DDX10: variants seen among roughly 807,000 people sequenced by gnomAD.
The protein encoded by DDX10 is DEAD-box helicase 10, also known as probable ATP-dependent RNA helicase DDX10.
A neutral mutation model predicts 104.3 loss-of-function variants in DDX10; 74 were observed. The observed-to-expected ratio is 0.71, with a 90% CI of 0.59 to 0.86. DDX10 has a LOEUF of 0.86. Among genes scored for constraint, DDX10 ranks in the 40% least tolerant of loss-of-function variants. DDX10 has a pLI of 0.00. For synonymous variants in DDX10, 351 were observed against 353.4 expected (o/e 0.99, Z 0.08); for missense variants, 952 against 1,040.0 (o/e 0.92, Z 1.16).
At chr11:108,821,597 G>A (rs1017154359) in intron 13 of DDX10, among the ~76,000 whole-genome samples, 1 of 152,172 alleles carries the variant, frequency 6.6e-6, no homozygotes, top group Non-Finnish European at 1.5e-5. Context: ...GATGGAAATT[G>A]TAAAGCAGTG....
rs60528070 is a variant in DDX10 at position 108,812,979 on chromosome 11, T to TAAAA, written c.1966-25456_1966-25453dup. ...CCTGGATGACAGAGTGACTCCATCT[T>TAAAA]AAAAAAAAAAAAAAGAACAAACATT... is the stretch of plus-strand genomic sequence containing the variant. On this transcript the variant is annotated intron_variant, in intron 13 of 17. Transcript: ENST00000322536. Among the ~76,000 whole-genome samples the TAAAA allele has an allele frequency of 1.7e-4, 11 of 66,478 alleles. 2 individuals are homozygous for TAAAA. In the East Asian group the frequency reaches 3.1e-3, roughly 19 times the overall value. 43.6% of individuals were successfully genotyped at this position (66,478 alleles called of 152,430 possible).
At chr11:108,831,425 A>AG (rs1420524670) in intron 13 of DDX10, among the ~76,000 whole-genome samples, 13 of 149,602 alleles carry the variant, frequency 8.7e-5, no homozygotes, top group Non-Finnish European at 1.9e-4. Context: ...CTGTCTCAAA[A>AG]AAAAAAAAAA....
intron 13 of DDX10, among the ~76,000 whole-genome samples, chr11:108,746,715 A>G (rs2094332298): frequency 6.6e-6 from 1 of 151,990 alleles, no homozygotes; most frequent in Non-Finnish European, 1.5e-5. Context: ...CCTCACTGTC[A>G]CTCATTATCT....
chr11:108,772,002 T>C (rs1275827307), intron 13 of DDX10, among the ~76,000 whole-genome samples: 1 of 152,180 alleles, frequency 6.6e-6, no homozygotes, highest in African/African-American at 2.4e-5. Flanking sequence ...GTTTTTAGCT[T>C]GTAGTTTGTC....
At chr11:108,759,908 G>T (rs1291236786) in intron 13 of DDX10, among the ~76,000 whole-genome samples, 2 of 151,484 alleles carry the variant, frequency 1.3e-5, no homozygotes, top group African/African-American at 4.8e-5. Flanking sequence ...ACATGTTTTT[G>T]TGTGGAATGT....
chr11:108,703,665 A>C (rs1273831078), intron 9 of DDX10, among the ~76,000 whole-genome samples: 4 of 151,890 alleles, frequency 2.6e-5, no homozygotes, highest in African/African-American at 9.7e-5. Flanking sequence ...TATTTCTTAT[A>C]TGTTTAGCCT....
rs569927940 is a variant in DDX10 at position 108,715,526 on chromosome 11, A to T, written c.1323-353A>T. Among the ~76,000 whole-genome samples the T allele has an allele frequency of 2.7e-5, 4 of 148,684 alleles. No individual in the cohort carries two copies. The East Asian group carries it at 7.7e-4, about 29-fold the overall frequency. On this transcript the variant is annotated intron_variant, in intron 10 of 17. Coordinates refer to ENST00000322536, the MANE Select transcript of DDX10 (RefSeq NM_004398.4). ...CTGAGGGAGCGGGGTGAGACCTCTT[A>T]AAAAAATTAGATTTAATTTATTCCA...
intron 17 of DDX10, among the ~76,000 whole-genome samples, chr11:108,937,713 C>T (rs1864054424): frequency 6.6e-6 from 1 of 152,184 alleles, no homozygotes; most frequent in African/African-American, 2.4e-5. Context: ...GCACACCAGA[C>T]ATTACTAATA....
At chr11:108,691,199 C>G (rs1231260709) in intron 7 of DDX10, among the ~76,000 whole-genome samples, 1 of 152,186 alleles carries the variant, frequency 6.6e-6, no homozygotes, top group African/African-American at 2.4e-5. Flanking sequence ...AATTGAGCGA[C>G]TGGATCACCA....
At chr11:108,709,970 A>G (rs1344849490) in intron 10 of DDX10, among the ~76,000 whole-genome samples, 1 of 152,200 alleles carries the variant, frequency 6.6e-6, no homozygotes, top group Non-Finnish European at 1.5e-5. Flanking sequence ...AGCCTATTGC[A>G]TTTAGGCTGC....
intron 13 of DDX10, among the ~76,000 whole-genome samples, chr11:108,829,715 A>G (rs1006822842): frequency 1.3e-5 from 2 of 152,332 alleles, no homozygotes; most frequent in African/African-American, 2.4e-5. Flanking sequence ...TTATGGTTTC[A>G]GATCGTATTT....
rs145758710 is a variant in DDX10 at position 108,694,016 on chromosome 11, G to A, written c.1223+416G>A. Among the ~76,000 whole-genome samples the A allele has an allele frequency of 2.9e-3, 449 of 152,302 alleles. 6 individuals carry two copies. The highest frequency in any genetic ancestry group is 0.01 in the African/African-American group (419 of 41,550). ...TCAGTCTAGTAACTGAGACAGCTAA[G>A]TAACAAGTGGGTGGGGTCTTAAGCG... On this transcript the variant is annotated intron_variant, in intron 9 of 17. Transcript: ENST00000322536.
intron 16 of DDX10, among the ~76,000 whole-genome samples, chr11:108,867,901 C>G (rs1025510205): frequency 2.6e-5 from 4 of 152,142 alleles, no homozygotes; most frequent in African/African-American, 9.7e-5. Context: ...AGTTATAATG[C>G]TTTTCCTCAG....
chr11:108,672,062 GAAAAAAAAAAAA>G (rs55845865), intron 1 of DDX10, among the ~76,000 whole-genome samples: 1 of 68,644 alleles, frequency 1.5e-5, no homozygotes, highest in African/African-American at 5.6e-5. Flanking sequence ...CTCCATCTCG[GAAAAAAAAAAAA>G]AAAAAAAAAA....
chr11:108,670,977 A>G (rs1214254924), intron 1 of DDX10, among the ~76,000 whole-genome samples: 1 of 152,148 alleles, frequency 6.6e-6, no homozygotes. Flanking sequence ...GAGGATGGTC[A>G]AATGTCACCC....
chr11:108,798,693 G>A (rs1313797397), intron 13 of DDX10, among the ~76,000 whole-genome samples: 1 of 152,144 alleles, frequency 6.6e-6, no homozygotes, highest in African/African-American at 2.4e-5. Context: ...GTTTTTAAGG[G>A]AAGAGGGTTG....
rs140764139 is a variant in DDX10 at position 108,876,286 on chromosome 11, A to G, written c.2304+24077A>G. The stretch of plus-strand genomic sequence containing the variant: ...TTACCTTCCTCTTACCATGTTATAT[A>G]TGACATTTGTTATTTTCTGTCATCA... On this transcript the variant is annotated intron_variant, in intron 16 of 17. Coordinates refer to ENST00000322536, the MANE Select transcript of DDX10 (RefSeq NM_004398.4). Among the ~76,000 whole-genome samples, 960 of 152,178 alleles carry G rather than the reference A, an allele frequency of 6.3e-3. 8 individuals carry two copies. Among genetic ancestry groups the G allele is most frequent in the Admixed American group, 0.014 (216 of 15,264 alleles).
intron 13 of DDX10, among the ~76,000 whole-genome samples, chr11:108,754,545 T>C (rs1240578428): frequency 2.0e-5 from 3 of 152,020 alleles, no homozygotes; most frequent in Non-Finnish European, 4.4e-5. Flanking sequence ...ATAAATAAAG[T>C]ATACATTGGG....
intron 13 of DDX10, among the ~76,000 whole-genome samples, chr11:108,748,057 G>A (rs2094333985): frequency 6.6e-6 from 1 of 152,254 alleles, no homozygotes; most frequent in Non-Finnish European, 1.5e-5. Flanking sequence ...TAAAATCTAA[G>A]TACTCTAGAG....
Sources: gnomAD v4.1 joint callset for allele counts (sites outside exome capture counted in the v4.1 genomes callset) on GRCh38, gnomAD v4.1.1 for gene constraint, MANE v1.5 for transcripts, NCBI Gene and HGNC (gene_info 2026-07-23, HGNC 2026-07-21) for gene names.